RASGRF2: variants seen among roughly 807,000 people sequenced by gnomAD.
RASGRF2 encodes the protein Ras protein specific guanine nucleotide releasing factor 2, also known as ras-specific guanine nucleotide-releasing factor 2.
In RASGRF2, 76 loss-of-function variants were observed where a neutral mutation model predicts 151.0. That is an observed-to-expected ratio of 0.50 (90% confidence interval 0.42 to 0.61). RASGRF2 has a LOEUF of 0.61. RASGRF2 is among the 20% of genes least tolerant of loss of function. RASGRF2 has a pLI of 0.00. For missense variants in RASGRF2, 1,148 were observed against 1,564.6 expected (o/e 0.73, Z 4.49); for synonymous variants, 504 against 566.5 (o/e 0.89, Z 1.57).
intron 15 of RASGRF2, among the ~76,000 whole-genome samples, chr5:81,117,690 A>G (rs1167456722): frequency 6.6e-6 from 1 of 152,168 alleles, no homozygotes; most frequent in African/African-American, 2.4e-5. Flanking sequence ...GCATCAACTG[A>G]TAAGTCCGAA....
intron 17 of RASGRF2, among the ~76,000 whole-genome samples, chr5:81,176,145 C>G (rs1263262146): frequency 6.6e-6 from 1 of 152,242 alleles, no homozygotes; most frequent in Non-Finnish European, 1.5e-5. Flanking sequence ...CCACTTTTCA[C>G]AGTCTTTAAA....
intron 2 of RASGRF2, among the ~76,000 whole-genome samples, chr5:81,046,182 C>T (rs553549886): frequency 6.6e-6 from 1 of 152,174 alleles, no homozygotes; most frequent in South Asian, 2.1e-4. Flanking sequence ...CTCAGAACCC[C>T]TTCTCTCATT....
At chr5:81,172,083 G>T (rs6881941) in intron 17 of RASGRF2, among the ~76,000 whole-genome samples, 34 of 152,144 alleles carry the variant, frequency 2.2e-4, no homozygotes, top group South Asian at 8.3e-4. Context: ...TAAATCCTGG[G>T]TTTTTTTTAC....
intron 1 of RASGRF2, among the ~76,000 whole-genome samples, chr5:81,042,262 C>A (rs1391516680): frequency 6.6e-6 from 1 of 152,200 alleles, no homozygotes; most frequent in Non-Finnish European, 1.5e-5. Flanking sequence ...CACATCTTGA[C>A]CCCTAGGATG....
At chr5:81,155,171 G>T (rs940326293) in intron 17 of RASGRF2, among the ~76,000 whole-genome samples, 1 of 152,246 alleles carries the variant, frequency 6.6e-6, no homozygotes, top group African/African-American at 2.4e-5. Context: ...TGTTTAGAGA[G>T]AAATGTATAT....
At chr5:81,127,923 C>CAAAAAAAAAAA (rs60196392) in intron 17 of RASGRF2, among the ~76,000 whole-genome samples, 24 of 64,838 alleles carry the variant, frequency 3.7e-4, no homozygotes, top group Admixed American at 6.2e-4. Flanking sequence ...GACTCCGTCT[C>CAAAAAAAAAAA]AAAAAAAAAA....
chr5:81,160,720 A>ATAATAAT (rs56076627), intron 17 of RASGRF2, among the ~76,000 whole-genome samples: 1 of 149,044 alleles, frequency 6.7e-6, no homozygotes, highest in East Asian at 1.9e-4. Context: ...AATAATAATA[A>ATAATAAT]GTCAACCAGG....
At chr5:81,104,745 C>A (rs996455188) in intron 12 of RASGRF2, among the ~76,000 whole-genome samples, 1 of 152,206 alleles carries the variant, frequency 6.6e-6, no homozygotes, top group African/African-American at 2.4e-5. Context: ...CTCCACAAAG[C>A]CTTTCCAGAT....
chr5:81,127,019 C>A, intron 16 of RASGRF2, 55 bp from the exon 17 acceptor site: 2 of 1,560,652 alleles, frequency 1.3e-6, no homozygotes, highest in South Asian at 1.1e-5. Context: ...ATTTTTGTTA[C>A]AGAATATTAT....
At chr5:80,964,830 A>C (rs1254621117) in intron 1 of RASGRF2, among the ~76,000 whole-genome samples, 1 of 152,084 alleles carries the variant, frequency 6.6e-6, no homozygotes, top group Non-Finnish European at 1.5e-5. Context: ...TTACTTCAGG[A>C]ATGGGGTACC....
chr5:81,180,061 C>T (rs1754877860), intron 17 of RASGRF2, 114 bp from the exon 18 acceptor site: 2 of 657,996 alleles, frequency 3.0e-6, no homozygotes, highest in Non-Finnish European at 5.6e-6. Context: ...ACCTCTCTGC[C>T]AAGAAGTGTC....
intron 1 of RASGRF2, among the ~76,000 whole-genome samples, chr5:80,961,653 G>T (rs1747562052): frequency 6.6e-6 from 1 of 152,154 alleles, no homozygotes; most frequent in South Asian, 2.1e-4. Flanking sequence ...ATATTTGGTA[G>T]CCACATTCTT....
intron 12 of RASGRF2, among the ~76,000 whole-genome samples, chr5:81,105,527 C>T (rs1261869620): frequency 6.6e-6 from 1 of 152,116 alleles, no homozygotes; most frequent in African/African-American, 2.4e-5. Flanking sequence ...ATGGTGCAGT[C>T]ATTCTAAGGC....
At chr5:81,098,460 A>C (rs1752607210) in intron 12 of RASGRF2, among the ~76,000 whole-genome samples, 2 of 152,100 alleles carry the variant, frequency 1.3e-5, no homozygotes, top group South Asian at 4.1e-4. Context: ...CATAGGTAGA[A>C]GTAAGAGGGC....
At chr5:81,173,489 AATCCTAACTGTT>A (rs1185232006) in intron 17 of RASGRF2, among the ~76,000 whole-genome samples, 1 of 152,252 alleles carries the variant, frequency 6.6e-6, no homozygotes, top group Non-Finnish European at 1.5e-5. Context: ...GAGCTTCCAT[AATCCTAACTGTT>A]ATCCTAACTC....
At chr5:81,075,431 T>C (rs1390947620) in intron 5 of RASGRF2, among the ~76,000 whole-genome samples, 1 of 152,150 alleles carries the variant, frequency 6.6e-6, no homozygotes, top group Non-Finnish European at 1.5e-5. Context: ...GGAAAGGTCA[T>C]TCCTTGTGCC....
intron 1 of RASGRF2, among the ~76,000 whole-genome samples, chr5:80,985,191 A>AGAGTGAG (rs1311652812): frequency 1.3e-5 from 2 of 152,224 alleles, no homozygotes; most frequent in East Asian, 3.8e-4. Flanking sequence ...CAGCCTGGGC[A>AGAGTGAG]ACAGAGTGAG....
Position 81,210,236 on chromosome 5 carries a change from C to T in RASGRF2, c.3156+1798C>T, listed in dbSNP as rs143431338. The T allele has an allele frequency of 1.8e-3, 270 of 152,438 alleles. 11 individuals carry two copies. The East Asian group carries it at 0.048, about 27-fold the overall frequency. The allele number at this position is 152,438 out of a possible 1,614,324, so 9.4% of individuals were successfully genotyped here. ...GTGAAAGATGATTTTGTTCAGCGGG[C>T]GCTCTCATCAGCAGCTGTCTCATTA... On this transcript the variant is annotated intron_variant, in intron 22 of 26. Transcript: ENST00000265080.
intron 17 of RASGRF2, among the ~76,000 whole-genome samples, chr5:81,179,626 G>A (rs923353283): frequency 1.3e-5 from 2 of 152,190 alleles, no homozygotes; most frequent in African/African-American, 2.4e-5. Context: ...TACTATTTGT[G>A]TGTGTGTGGT....
Sources: gnomAD v4.1 joint callset for allele counts (sites outside exome capture counted in the v4.1 genomes callset) on GRCh38, gnomAD v4.1.1 for gene constraint, MANE v1.5 for transcripts, NCBI Gene and HGNC (gene_info 2026-07-23, HGNC 2026-07-21) for gene names.